The following LIPN variants were observed in gnomAD, a reference collection of about 807,000 sequenced individuals.
LIPN encodes the protein lipase member N.
A neutral mutation model predicts 43.7 loss-of-function variants in LIPN; 32 were observed. The observed-to-expected ratio is 0.73, with a 90% CI of 0.55 to 0.98. The LOEUF (loss-of-function observed/expected upper bound fraction) is 0.98. Among genes scored for constraint, LIPN ranks in the 50% least tolerant of loss-of-function variants. The probability of loss-of-function intolerance (pLI) is 0.00; values close to 1 mark genes in which losing one functional copy is unlikely to be tolerated. For missense variants in LIPN, 505 were observed against 483.8 expected (o/e 1.04, Z -0.41); for synonymous variants, 156 against 157.6 (o/e 0.99, Z 0.08).
chr10:88,770,775 A>C, intron 6 of LIPN, 70 bp from the exon 7 acceptor site: 1 of 925,820 alleles, frequency 1.1e-6, no homozygotes, highest in Non-Finnish European at 1.6e-6. Flanking sequence ...CTGGTTACTA[A>C]TCCCTTGTAA....
At chr10:88,768,306 A>C (rs968987316) in intron 5 of LIPN, among the ~76,000 whole-genome samples, 4 of 151,872 alleles carry the variant, frequency 2.6e-5, no homozygotes, top group African/African-American at 9.7e-5. Flanking sequence ...CCAGTAAGAC[A>C]CTGGGAGCAG....
Position 88,775,725 on chromosome 10 carries a change from C to A in LIPN, c.963+562C>A, listed in dbSNP as rs563772324. 1.3e-5 allele frequency among the ~76,000 whole-genome samples: 2 copies of A among 152,052 alleles called. 1 individual carries two copies. The highest frequency in any genetic ancestry group is 4.1e-4 in the South Asian group (2 of 4,826). ...AAAAATCTGTAGCCTTGTTTAGCAC[C>A]GTACTTTTAATTAATCCTGTCACCA... is the stretch of plus-strand genomic sequence containing the variant. On this transcript the variant is annotated intron_variant, in intron 9 of 9. Transcript: ENST00000404459.
At position 88,778,482 on chromosome 10, in the gene LIPN, T is replaced by A. The variant is rs543394543; in HGVS notation, c.*240T>A. On this transcript the variant is annotated 3_prime_UTR_variant, in exon 10 of 10. Coordinates refer to ENST00000404459, the MANE Select transcript of LIPN (RefSeq NM_001102469.2). ...GGCAAAAAGATAAACAAGTTGCTAC[T>A]CTATCTGGCATTTAAGTCTAATTAA... is the stretch of plus-strand genomic sequence containing the variant. Among the ~76,000 whole-genome samples, 3 of 152,254 alleles carry A rather than the reference T, an allele frequency of 2.0e-5. No individual in the cohort carries two copies. The South Asian group carries it at 6.2e-4, about 32-fold the overall frequency.
chr10:88,767,457 C>G (rs1014662504), intron 5 of LIPN, among the ~76,000 whole-genome samples: 1 of 151,330 alleles, frequency 6.6e-6, no homozygotes, highest in Admixed American at 6.6e-5. Context: ...CAAAACAACC[C>G]GAATGTTATT....
At position 88,766,336 on chromosome 10, in the gene LIPN, G is replaced by A. The variant is rs772261200; in HGVS notation, c.493G>A (p.Glu165Lys). Residue 165 changes from glutamate (E) to lysine (K), a missense_variant, in exon 5 of 10, where the codon GAG (glutamate) becomes AAG (lysine). By Grantham distance (56) the Glu-to-Lys change is moderately conservative. Transcript: ENST00000404459. ...IDFIVNKTGQ[E>K]KLYFIGHSLG... The stretch of plus-strand genomic sequence containing the variant: ...CTTCATTGTAAATAAAACTGGTCAG[G>A]AGAAATTGTATTTCATTGGACATTC... 11 of 1,609,402 alleles carry A rather than the reference G, an allele frequency of 6.8e-6. No individual in the cohort carries two copies. Among genetic ancestry groups the A allele is most frequent in the African/African-American group, 1.3e-5 (1 of 74,658 alleles).
intron 6 of LIPN, among the ~76,000 whole-genome samples, chr10:88,769,336 A>G (rs1486630198): frequency 6.6e-6 from 1 of 151,860 alleles, no homozygotes; most frequent in Non-Finnish European, 1.5e-5. Context: ...CATTAGAAAA[A>G]CCTGATTAAT....
Position 88,764,663 on chromosome 10 carries a change from T to C in LIPN, c.425+55T>C, listed in dbSNP as rs1025291927. On this transcript the variant is annotated intron_variant, in intron 4 of 9. Coordinates refer to ENST00000404459, the MANE Select transcript of LIPN (RefSeq NM_001102469.2). ...GAAATTGGAGGCAATTTAAAAAAAATAACGTGGACGCTATTAATGATTATC... is the reference window on the plus strand; with the variant it reads ...GAAATTGGAGGCAATTTAAAAAAAACAACGTGGACGCTATTAATGATTATC... 6 of 1,248,280 alleles carry C rather than the reference T, an allele frequency of 4.8e-6. No homozygotes were observed. In the South Asian group the frequency reaches 9.0e-5, roughly 19 times the overall value. 77.3% of individuals were successfully genotyped at this position (1,248,280 alleles called of 1,614,324 possible).
upstream of LIPN, among the ~76,000 whole-genome samples, chr10:88,758,767 G>T (rs774058069): frequency 6.6e-6 from 1 of 151,860 alleles, no homozygotes; most frequent in South Asian, 2.1e-4. Context: ...CAAATAACTC[G>T]AAGTTGAGGA....
At position 88,764,476 on chromosome 10, in the gene LIPN, A is replaced by T. The variant is rs200998153; in HGVS notation, c.293A>T (p.Tyr98Phe). Residue 98 changes from tyrosine to phenylalanine, a missense_variant, in exon 4 of 10, where the codon TAT becomes TTT. Physicochemically the swap from Tyr to Phe is conservative, Grantham distance 22. Transcript: ENST00000404459. ...FADNAYWLEN[Y>F]ANGSLGFLLA... is the part of the protein sequence containing the mutation. ...GACAATGCCTACTGGCTTGAGAATT[A>T]TGCTAATGGAAGCCTTGGATTCCTT... is the stretch of plus-strand genomic sequence containing the variant. The T allele has an allele frequency of 9.2e-4, 1,484 of 1,612,442 alleles. 6 individuals carry two copies. The highest frequency in any genetic ancestry group is 1.2e-3 in the Non-Finnish European group (1,362 of 1,179,094).
chr10:88,770,420 C>G (rs974203218), intron 6 of LIPN, among the ~76,000 whole-genome samples: 2 of 149,294 alleles, frequency 1.3e-5, no homozygotes, highest in African/African-American at 5.0e-5. Context: ...CATTTCATAC[C>G]AATTAATGAG....
Position 88,766,374 on chromosome 10 carries a change from A to G in LIPN, c.531A>G (p.Thr177=). 6.3e-7 allele frequency: 1 copy of G among 1,576,680 alleles called. No homozygotes were observed. The highest frequency in any genetic ancestry group is 8.7e-7 in the Non-Finnish European group (1 of 1,146,956). The change falls in exon 5 of 10, where the codon ACA becomes ACG. Residue 177 remains threonine, a synonymous_variant. Transcript: ENST00000404459. ...TCATTGGACATTCACTTGGCACTAC[A>G]ATAGGTATGTTTATGAGGGTCACTG... is the stretch of plus-strand genomic sequence containing the variant. ...LYFIGHSLGT[T]IGFVAFSTMP... is the part of the protein sequence containing the mutation.
At chr10:88,771,824 C>T (rs1266251114) in intron 7 of LIPN, among the ~76,000 whole-genome samples, 2 of 151,492 alleles carry the variant, frequency 1.3e-5, no homozygotes, top group African/African-American at 4.8e-5. Flanking sequence ...TTTGAGGATC[C>T]CTCATACTCT....
chr10:88,767,124 G>C (rs1843115496), intron 5 of LIPN, among the ~76,000 whole-genome samples: 1 of 151,890 alleles, frequency 6.6e-6, no homozygotes. Flanking sequence ...ATTTGTCATT[G>C]AACTTCCACT....
rs1220002949 is a variant in LIPN at position 88,779,413 on chromosome 10, G to T, written c.*1171G>T. 2.0e-5 allele frequency among the ~76,000 whole-genome samples: 3 copies of T among 152,132 alleles called. No individual in the cohort carries two copies. The highest frequency in any genetic ancestry group is 6.5e-5 in the Admixed American group (1 of 15,268). On this transcript the variant is annotated 3_prime_UTR_variant, in exon 10 of 10. Coordinates refer to ENST00000404459, the MANE Select transcript of LIPN (RefSeq NM_001102469.2). ...TTCATCAATTTAATGTATACGTATT[G>T]ATGGGGAATAATGGTCACTATGAAA...
chr10:88,776,730 T>C (rs1362459508), intron 9 of LIPN, among the ~76,000 whole-genome samples: 2 of 152,132 alleles, frequency 1.3e-5, no homozygotes, highest in South Asian at 2.1e-4. Flanking sequence ...GAAGAGTACA[T>C]GACAATTACT....
At chr10:88,775,413 T>C (rs1291626216) in intron 9 of LIPN, among the ~76,000 whole-genome samples, 1 of 152,026 alleles carries the variant, frequency 6.6e-6, no homozygotes, top group Non-Finnish European at 1.5e-5. Context: ...CATTTTGGTG[T>C]ATTTATTCCA....
intron 5 of LIPN, among the ~76,000 whole-genome samples, chr10:88,767,152 G>A (rs1843116033): frequency 1.3e-5 from 2 of 151,860 alleles, no homozygotes; most frequent in East Asian, 1.9e-4. Context: ...CCAATTTTAA[G>A]AGAATAAATC....
rs1842997226 is a variant in LIPN at position 88,761,550 on chromosome 10, G to A, written c.108+37G>A. The A allele has an allele frequency of 2.8e-6, 4 of 1,412,646 alleles. No homozygotes were observed. The Admixed American group carries it at 5.1e-5, about 18-fold the overall frequency. 87.5% of individuals were successfully genotyped at this position (1,412,646 alleles called of 1,614,324 possible). A position where few individuals can be genotyped will look rare whatever the true frequency, so the allele number is the denominator to read the frequency against. The stretch of plus-strand genomic sequence containing the variant: ...AAAACTGTGAAGAACATCAAATAAA[G>A]CAGGACTAATGGAGTATGAGGTTAC... On this transcript the variant is annotated intron_variant, in intron 2 of 9. Transcript: ENST00000404459.
chr10:88,768,998 C>G, intron 6 of LIPN, 70 bp downstream of exon 6: 16 of 1,433,826 alleles, frequency 1.1e-5, no homozygotes, highest in East Asian at 4.6e-5. Context: ...ATTTTCAAAT[C>G]TACTGTAAAG....
Sources: allele counts gnomAD v4.1 joint callset (sites outside exome capture counted in the v4.1 genomes callset), GRCh38; gene constraint gnomAD v4.1.1; transcripts MANE v1.5; gene names NCBI Gene and HGNC (gene_info 2026-07-23, HGNC 2026-07-21).